LRP2: variants seen among roughly 807,000 people sequenced by gnomAD.
The protein encoded by LRP2 is LDL receptor related protein 2.
LRP2 carries 172 observed loss-of-function variants against 531.0 expected under a neutral mutation model. The ratio of observed to expected loss-of-function variants is 0.32; its 90% CI spans 0.29 to 0.37. The LOEUF (loss-of-function observed/expected upper bound fraction) is 0.37. Ranked by LOEUF, LRP2 falls within the 10% of genes least tolerant of loss-of-function variation. LRP2 has a pLI of 1.00. For synonymous variants in LRP2, 1,992 were observed against 2,027.6 expected, an observed-to-expected ratio of 0.98 and a Z score of 0.47; for missense variants, 5,167 against 5,868.3, an observed-to-expected ratio of 0.88 and a Z score of 3.90.
rs55672417 is a variant in LRP2 at position 169,271,611 on chromosome 2, GCACACACACA to G, written c.2117-514_2117-505del. 1,046 of 234,048 alleles carry G rather than the reference GCACACACACA, an allele frequency of 4.5e-3. 9 individuals carry two copies. Among genetic ancestry groups the G allele is most frequent in the African/African-American group, 0.016 (661 of 41,432 alleles). The allele number at this position is 234,048 out of a possible 1,614,324, so 14.5% of individuals were successfully genotyped here. ...TCATTACAATAAACAGGCAAAACAT[GCACACACACA>G]CACACACACACACACACACACACAC... On this transcript the variant is annotated intron_variant, in intron 15 of 78. Coordinates refer to ENST00000649046, the MANE Select transcript of LRP2 (RefSeq NM_004525.3).
chr2:169,244,025 T>C (rs537464346), intron 22 of LRP2, among the ~76,000 whole-genome samples: 6 of 152,212 alleles, frequency 3.9e-5, no homozygotes, highest in Non-Finnish European at 8.8e-5. Context: ...ATGCAGTGGC[T>C]GGCCCCACCC....
intron 30 of LRP2, among the ~76,000 whole-genome samples, 171 bp from the exon 31 acceptor site, chr2:169,232,013 C>G (rs1162376772): frequency 2.6e-5 from 4 of 152,114 alleles, no homozygotes; most frequent in South Asian, 2.1e-4. Context: ...CTCACACTTT[C>G]AACTTCCCTA....
Position 169,165,979 on chromosome 2 carries a change from T to C in LRP2, c.11711A>G (p.Asn3904Ser), listed in dbSNP as rs1234314371. The change falls in exon 62 of 79, where the codon AAT becomes AGT. Residue 3904 changes from asparagine (N) to serine (S), a missense_variant. Around this residue, in one of 6 missense-constraint regions of LRP2, gnomAD observed 564 missense variants for 747.7 expected, o/e 0.75. Coordinates refer to ENST00000649046, the MANE Select transcript of LRP2 (RefSeq NM_004525.3). ...TCCATCTCCACAGTCATCCACACCA[T>C]TGCACACCTCATGACTATAAATGCA... The part of the protein sequence containing the change: ...NRCIYSHEVC[N>S]GVDDCGDGTD... 1.2e-6 allele frequency: 2 copies of C among 1,613,932 alleles called. No individual in the cohort carries two copies. The highest frequency in any genetic ancestry group is 1.7e-5 in the Admixed American group (1 of 60,006).
intron 34 of LRP2, 116 bp downstream of exon 34, chr2:169,220,338 A>G: frequency 2.6e-6 from 2 of 766,620 alleles, no homozygotes; most frequent in South Asian, 1.5e-5. Context: ...TATTTTTCAA[A>G]TGTTGACATA....
At chr2:169,330,017 G>A (rs1457188123) in intron 1 of LRP2, among the ~76,000 whole-genome samples, 1 of 152,242 alleles carries the variant, frequency 6.6e-6, no homozygotes, top group East Asian at 1.9e-4. Context: ...GATCTAGGTT[G>A]TGCATTCCTT....
rs564863693 is a variant in LRP2, at chr2:169,348,183, A to G, written c.79+14138T>C. ...ACACTTAGGCCAATGCCTGGTATAG[A>G]AAGCACTCAAATAATTTAGTCACTT... On this transcript the variant is annotated intron_variant, in intron 1 of 78. Coordinates refer to ENST00000649046, the MANE Select transcript of LRP2 (RefSeq NM_004525.3). 3.5e-4 allele frequency among the ~76,000 whole-genome samples: 54 copies of G among 152,356 alleles called. No homozygotes were observed. The South Asian group carries it at 0.011, about 32-fold the overall frequency.
intron 9 of LRP2, among the ~76,000 whole-genome samples, chr2:169,284,035 T>G (rs1199662507): frequency 6.6e-6 from 1 of 152,002 alleles, no homozygotes; most frequent in Non-Finnish European, 1.5e-5. Context: ...ACAATAGAGT[T>G]CCCACACCCT....
chr2:169,288,679 T>C (rs1054350442), intron 9 of LRP2, among the ~76,000 whole-genome samples: 11 of 152,146 alleles, frequency 7.2e-5, no homozygotes, highest in Admixed American at 2.0e-4. Flanking sequence ...ACCAACCTCA[T>C]GGAAGTAGTT....
chr2:169,199,851 C>T (rs1688136258), intron 44 of LRP2, among the ~76,000 whole-genome samples: 1 of 152,022 alleles, frequency 6.6e-6, no homozygotes, highest in African/African-American at 2.4e-5. Flanking sequence ...AATAAAACAA[C>T]TAAATGTCAA....
chr2:169,229,258 A>C (rs867529073), intron 31 of LRP2, among the ~76,000 whole-genome samples: 1 of 152,152 alleles, frequency 6.6e-6, no homozygotes, highest in Admixed American at 6.6e-5. Flanking sequence ...TCATCTCTTC[A>C]TTTCTATTTT....
At chr2:169,277,209 A>G (rs1054150058) in intron 13 of LRP2, among the ~76,000 whole-genome samples, 10 of 151,826 alleles carry the variant, frequency 6.6e-5, no homozygotes, top group African/African-American at 2.4e-4. Context: ...AAAAAAAAAA[A>G]AAAGAAAGCC....
intron 76 of LRP2, among the ~76,000 whole-genome samples, chr2:169,136,314 C>A (rs1181582035): frequency 1.3e-5 from 2 of 151,926 alleles, no homozygotes; most frequent in Non-Finnish European, 2.9e-5. Context: ...CATGCCACCC[C>A]CCCAAAAATT....
chr2:169,273,318 T>C (rs1683470468), intron 14 of LRP2, among the ~76,000 whole-genome samples: 1 of 152,092 alleles, frequency 6.6e-6, no homozygotes, highest in Non-Finnish European at 1.5e-5. Context: ...CTCCTACAAC[T>C]TTCTCCCCAA....
At chr2:169,300,582 T>A (rs905112128) in intron 4 of LRP2, among the ~76,000 whole-genome samples, 5 of 152,150 alleles carry the variant, frequency 3.3e-5, no homozygotes, top group Non-Finnish European at 7.4e-5. Context: ...TGGCAACAGC[T>A]AAGAGGGATC....
chr2:169,310,366 A>T (rs1684558177), intron 3 of LRP2, among the ~76,000 whole-genome samples: 1 of 152,186 alleles, frequency 6.6e-6, no homozygotes, highest in Non-Finnish European at 1.5e-5. Context: ...TTATTTTGAG[A>T]TACGTCCCAT....
chr2:169,143,788 A>G (rs1171764819), intron 70 of LRP2, among the ~76,000 whole-genome samples: 1 of 152,188 alleles, frequency 6.6e-6, no homozygotes, highest in Non-Finnish European at 1.5e-5. Context: ...CTACCTTAGC[A>G]TGTATTATGA....
chr2:169,198,906 G>A lies in LRP2; in HGVS notation c.8458C>T (p.Arg2820Cys), dbSNP rs140586887. 1.9e-6 allele frequency: 3 copies of A among 1,613,068 alleles called. No individual in the cohort carries two copies. The highest frequency in any genetic ancestry group is 1.7e-6 in the Non-Finnish European group (2 of 1,179,454). Residue 2820 changes from arginine (R) to cysteine (C), a missense_variant, in exon 45 of 79, where the codon CGC becomes TGC. Arg to Cys is a radical substitution (Grantham distance 180). Transcript: ENST00000649046. Reference sequence around the variant, plus strand: ...TTTGTGTATCCAGACTGGCAAGTGCGATCAGCTTGAAAAAGACAACCAGAT... The same window carrying A: ...TTTGTGTATCCAGACTGGCAAGTGCAATCAGCTTGAAAAAGACAACCAGAT... Reference protein sequence around the residue: ...NTSDEKNCPDRTCQSGYTKCH... With the variant: ...NTSDEKNCPDCTCQSGYTKCH...
chr2:169,233,122 G>T (rs1689472025), intron 30 of LRP2, among the ~76,000 whole-genome samples: 1 of 152,198 alleles, frequency 6.6e-6, no homozygotes, highest in African/African-American at 2.4e-5. Context: ...TACTCCATTT[G>T]TCAGCTGAGG....
At chr2:169,170,921 G>GTTTTTTTTT (rs57451386) in intron 58 of LRP2, among the ~76,000 whole-genome samples, 5 of 91,846 alleles carry the variant, frequency 5.4e-5, no homozygotes, top group Non-Finnish European at 9.9e-5. Context: ...CTCTCTCTCT[G>GTTTTTTTTT]TTTTTTTTTT....
Sources: gnomAD v4.1 joint callset for allele counts (sites outside exome capture counted in the v4.1 genomes callset) on GRCh38, gnomAD v4.1.1 for gene constraint, gnomAD v4.1.1 regional missense constraint, MANE v1.5 for transcripts, NCBI Gene and HGNC (gene_info 2026-07-23, HGNC 2026-07-21) for gene names.